Variants in ATP8A1 observed in about 807,000 individuals in gnomAD.
ATP8A1 encodes the protein ATPase phospholipid transporting 8A1, also known as phospholipid-transporting ATPase IA.
A neutral mutation model predicts 177.7 loss-of-function variants in ATP8A1; 90 were observed. That is an observed-to-expected ratio of 0.51 (90% CI 0.43 to 0.60). ATP8A1 has a LOEUF of 0.60. ATP8A1 is among the 20% of genes least tolerant of loss of function. The pLI is 0.00. For synonymous variants in ATP8A1, 493 were observed against 485.9 expected (o/e 1.01, Z -0.19); for missense variants, 1,072 against 1,392.8 (o/e 0.77, Z 3.67).
chr4:42,423,877 G>C (rs750564373), intron 33 of ATP8A1, among the ~76,000 whole-genome samples, 172 bp from the exon 34 acceptor site: 3 of 152,060 alleles, frequency 2.0e-5, no homozygotes, highest in Admixed American at 1.3e-4. Context: ...ATAAATCTTT[G>C]AGCAAATTTA....
rs1175397000 is a variant in ATP8A1, at chr4:42,636,150, A to ACGCGCGTGCG, written c.50-9042_50-9041insCGCACGCGCG. 4.4e-3 allele frequency among the ~76,000 whole-genome samples: 140 copies of ACGCGCGTGCG among 31,924 alleles called. 1 individual carries two copies. Among genetic ancestry groups the ACGCGCGTGCG allele is most frequent in the South Asian group, 0.031 (27 of 858 alleles). 20.9% of individuals were successfully genotyped at this position (31,924 alleles called of 152,430 possible). On this transcript the variant is annotated intron_variant, in intron 1 of 36. Coordinates refer to ENST00000381668, the MANE Select transcript of ATP8A1 (RefSeq NM_006095.2). ...CACACACACACACACACACACACAC[A>ACGCGCGTGCG]CACACACGCACACACACACACATAA...
intron 24 of ATP8A1, among the ~76,000 whole-genome samples, chr4:42,493,600 T>C (rs1038629697): frequency 1.3e-5 from 2 of 152,164 alleles, no homozygotes; most frequent in Non-Finnish European, 2.9e-5. Context: ...TCCTCATGAT[T>C]TAATGTAATT....
chr4:42,543,159 T>G (rs1728577382), intron 20 of ATP8A1, among the ~76,000 whole-genome samples: 1 of 152,202 alleles, frequency 6.6e-6, no homozygotes, highest in African/African-American at 2.4e-5. Flanking sequence ...ACCAAGGCAT[T>G]TAACATTCTC....
rs766701695 is a variant in ATP8A1 at position 42,485,706 on chromosome 4, A to C, written c.2152-38T>G. On this transcript the variant is annotated intron_variant, in intron 24 of 36. Coordinates refer to ENST00000381668, the MANE Select transcript of ATP8A1 (RefSeq NM_006095.2). ...ACAAGCAAAAATGCCATCAACATTT[A>C]CTCCCATTTGTTCTACTAGGATGCC... 7 of 1,570,244 alleles carry C rather than the reference A, an allele frequency of 4.5e-6. No individual in the cohort carries two copies. The South Asian group carries it at 7.0e-5, about 16-fold the overall frequency.
chr4:42,513,390 G>A (rs1294839764), intron 22 of ATP8A1, among the ~76,000 whole-genome samples: 1 of 152,042 alleles, frequency 6.6e-6, no homozygotes, highest in Non-Finnish European at 1.5e-5. Context: ...TCTTATGTGA[G>A]TACAAAGGAT....
chr4:42,561,061 T>C (rs1409281545), intron 15 of ATP8A1, among the ~76,000 whole-genome samples: 1 of 152,102 alleles, frequency 6.6e-6, no homozygotes, highest in Admixed American at 6.5e-5. Context: ...CATATATATG[T>C]AAATTCAAGC....
At chr4:42,613,160 A>G (rs575036893) in intron 5 of ATP8A1, among the ~76,000 whole-genome samples, 1 of 152,238 alleles carries the variant, frequency 6.6e-6, no homozygotes, top group Non-Finnish European at 1.5e-5. Flanking sequence ...AGCAAACAGT[A>G]TCCTACTCGA....
intron 1 of ATP8A1, among the ~76,000 whole-genome samples, chr4:42,637,403 C>T (rs142481956): frequency 1.4e-4 from 21 of 152,308 alleles, no homozygotes; most frequent in Non-Finnish European, 1.9e-4. Context: ...TCTCCATCAC[C>T]CTCTTGTTCA....
At chr4:42,620,825 C>T (rs991592414) in intron 4 of ATP8A1, among the ~76,000 whole-genome samples, 1 of 152,178 alleles carries the variant, frequency 6.6e-6, no homozygotes, top group Non-Finnish European at 1.5e-5. Flanking sequence ...GAGCCAAGAG[C>T]ACTGGATAGG....
In ATP8A1 at chr4:42,464,126, A is replaced by C. The variant is rs545682861; in HGVS notation, c.2619+564T>G. Among the ~76,000 whole-genome samples the C allele has an allele frequency of 4.0e-5, 6 of 151,420 alleles. No homozygotes were observed. In the South Asian group the frequency reaches 8.3e-4, roughly 21 times the overall value. On this transcript the variant is annotated intron_variant, in intron 27 of 36. Transcript: ENST00000381668. The stretch of plus-strand genomic sequence containing the variant: ...ATTAAAAATGCAGTCAAGTTTATAG[A>C]CTTTTATACATTATTAATAATGTAT...
intron 19 of ATP8A1, among the ~76,000 whole-genome samples, chr4:42,547,939 C>T (rs375241316): frequency 6.6e-6 from 1 of 152,256 alleles, no homozygotes; most frequent in South Asian, 2.1e-4. Context: ...TTCCTCATGG[C>T]CTTAATTCTG....
intron 4 of ATP8A1, 143 bp downstream of exon 4, chr4:42,624,393 G>C: frequency 4.5e-6 from 2 of 441,298 alleles, no homozygotes; most frequent in East Asian, 7.2e-5. Context: ...TTCAGGGATA[G>C]GAACATATTC....
intron 23 of ATP8A1, among the ~76,000 whole-genome samples, chr4:42,505,553 C>T (rs188061719): frequency 3.3e-5 from 5 of 152,038 alleles, no homozygotes; most frequent in South Asian, 2.1e-4. Context: ...CTAATAGCAG[C>T]GATAATTTTT....
intron 5 of ATP8A1, among the ~76,000 whole-genome samples, chr4:42,607,980 C>A (rs1577691916): frequency 6.6e-6 from 1 of 152,148 alleles, no homozygotes; most frequent in South Asian, 2.1e-4. Context: ...CAGTTCCAAC[C>A]AAACACACCT....
intron 1 of ATP8A1, among the ~76,000 whole-genome samples, chr4:42,648,757 A>G (rs187641836): frequency 3.9e-4 from 59 of 152,308 alleles, no homozygotes; most frequent in African/African-American, 1.2e-3. Flanking sequence ...TCGTTAACAT[A>G]TAAGTTCTTA....
chr4:42,507,670 A>C (rs560912421), intron 22 of ATP8A1, among the ~76,000 whole-genome samples: 44 of 133,064 alleles, frequency 3.3e-4, no homozygotes, highest in Non-Finnish European at 6.1e-4. Flanking sequence ...CAGGGGTTGC[A>C]GGTGAGCTGA....
chr4:42,566,978 T>C (rs1209219114), intron 15 of ATP8A1, among the ~76,000 whole-genome samples: 2 of 152,210 alleles, frequency 1.3e-5, no homozygotes, highest in Non-Finnish European at 2.9e-5. Context: ...GCTCATCTAA[T>C]CTTCAAAACC....
At chr4:42,468,650 T>C (rs1347579511) in intron 25 of ATP8A1, among the ~76,000 whole-genome samples, 2 of 152,024 alleles carry the variant, frequency 1.3e-5, no homozygotes, top group East Asian at 3.9e-4. Context: ...ATAAGAATGA[T>C]ACAATGGACT....
intron 15 of ATP8A1, among the ~76,000 whole-genome samples, chr4:42,567,810 G>T (rs916694310): frequency 6.6e-6 from 1 of 152,124 alleles, no homozygotes; most frequent in Admixed American, 6.5e-5. Flanking sequence ...ATTGAAAGTA[G>T]AATATTTTGA....
Sources: allele counts gnomAD v4.1 joint callset (sites outside exome capture counted in the v4.1 genomes callset), GRCh38; gene constraint gnomAD v4.1.1; transcripts MANE v1.5; gene names NCBI Gene and HGNC (gene_info 2026-07-23, HGNC 2026-07-21).